Variants in PRKAG2 observed in about 807,000 individuals in gnomAD.
PRKAG2 encodes 5'-AMP-activated protein kinase subunit gamma-2.
A neutral mutation model predicts 69.6 loss-of-function variants in PRKAG2; 26 were observed. The observed-to-expected ratio is 0.37, with a 90% CI of 0.27 to 0.52. The LOEUF is 0.52. Ranked by LOEUF, PRKAG2 falls within the 20% of genes least tolerant of loss-of-function variation. The pLI is 0.90. For synonymous variants in PRKAG2, 293 were observed against 285.0 expected (o/e 1.03, Z -0.28); for missense variants, 557 against 740.0 (o/e 0.75, Z 2.87).
At chr7:151,745,174 G>T (rs2074195420) in intron 3 of PRKAG2, among the ~76,000 whole-genome samples, 1 of 152,158 alleles carries the variant, frequency 6.6e-6, no homozygotes, top group Admixed American at 6.5e-5. Context: ...AACCTTTGCG[G>T]ATCACGAGGC....
At chr7:151,759,664 T>C (rs1347666818) in intron 3 of PRKAG2, among the ~76,000 whole-genome samples, 1 of 152,138 alleles carries the variant, frequency 6.6e-6, no homozygotes, top group Non-Finnish European at 1.5e-5. Flanking sequence ...ACCTGCTGCT[T>C]TCCCCCAGGC....
chr7:151,691,945 G>C (rs1055369250), intron 3 of PRKAG2, among the ~76,000 whole-genome samples: 1 of 152,148 alleles, frequency 6.6e-6, no homozygotes, highest in South Asian at 2.1e-4. Context: ...ACAGCACTTT[G>C]GGAGGTTGAA....
intron 3 of PRKAG2, among the ~76,000 whole-genome samples, chr7:151,733,104 T>C (rs1297248884): frequency 2.0e-5 from 3 of 152,204 alleles, no homozygotes; most frequent in Non-Finnish European, 4.4e-5. Context: ...TTGGACTGTT[T>C]TTCCTCACTC....
intron 3 of PRKAG2, among the ~76,000 whole-genome samples, chr7:151,742,633 A>T (rs991112403): frequency 1.5e-4 from 22 of 150,266 alleles, no homozygotes; most frequent in Admixed American, 2.6e-4. Flanking sequence ...CACAAAAAAA[A>T]AAAAAATAAA....
At chr7:151,684,024 C>T (rs1254472710) in intron 3 of PRKAG2, among the ~76,000 whole-genome samples, 1 of 152,216 alleles carries the variant, frequency 6.6e-6, no homozygotes, top group African/African-American at 2.4e-5. Flanking sequence ...GTTTTACCTT[C>T]CACCCCTCAT....
rs1563772540 is a variant in PRKAG2 at position 151,874,177 on chromosome 7, TATGTATATGTATATGTATATG to T, written c.114+2309_114+2329del. ...ATATGATGTATATGTATATGATGTA[TATGTATATGTATATGTATATG>T]ATGTATATGTATATGTATATGATGT... On this transcript the variant is annotated intron_variant, in intron 1 of 15. Coordinates refer to ENST00000287878, the MANE Select transcript of PRKAG2 (RefSeq NM_016203.4). Among the ~76,000 whole-genome samples the T allele has an allele frequency of 1.5e-3, 138 of 91,228 alleles. 3 individuals carry two copies. Among genetic ancestry groups the T allele is most frequent in the African/African-American group, 5.2e-3 (110 of 21,000 alleles). The allele number at this position is 91,228 out of a possible 152,430, so 59.8% of individuals were successfully genotyped here.
intron 5 of PRKAG2, 139 bp from the exon 6 acceptor site, chr7:151,595,593 A>G: frequency 1.4e-6 from 1 of 697,270 alleles, no homozygotes; most frequent in Non-Finnish European, 2.6e-6. Flanking sequence ...GGGCCAGGCA[A>G]GGATGCTCAC....
intron 4 of PRKAG2, among the ~76,000 whole-genome samples, chr7:151,643,617 A>G (rs754441375): frequency 5.3e-5 from 8 of 152,242 alleles, no homozygotes; most frequent in Non-Finnish European, 1.2e-4. Context: ...TAATGCCTCC[A>G]CCACATCTTC....
At chr7:151,855,501 T>TCTA (rs2079741634) in intron 1 of PRKAG2, among the ~76,000 whole-genome samples, 2 of 83,510 alleles carry the variant, frequency 2.4e-5, no homozygotes, top group Admixed American at 1.4e-4. Flanking sequence ...CACACCACCC[T>TCTA]CCACACACAC....
In PRKAG2 at chr7:151,703,911, A is replaced by ACACACACAC. The variant is rs1563476709; in HGVS notation, c.467-28275_467-28274insGTGTGTGTG. Among the ~76,000 whole-genome samples, 39 of 103,712 alleles carry ACACACACAC rather than the reference A, an allele frequency of 3.8e-4. 1 individual carries two copies. The highest frequency in any genetic ancestry group is 2.1e-3 in the South Asian group (7 of 3,258). 68.0% of individuals were successfully genotyped at this position (103,712 alleles called of 152,430 possible). A position where few individuals can be genotyped will look rare whatever the true frequency, so the allele number is the denominator to read the frequency against. On this transcript the variant is annotated intron_variant, in intron 3 of 15. Transcript: ENST00000287878. ...ACACACACACACACACACACACACA[A>ACACACACAC]ATTAGCTAGGCATGGTGGCAGGTGC...
chr7:151,570,079 A>G (rs1807191555), intron 10 of PRKAG2, 92 bp downstream of exon 10: 1 of 1,446,912 alleles, frequency 6.9e-7, no homozygotes, highest in Non-Finnish European at 9.5e-7. Context: ...TTTGGAATGA[A>G]GAACATGTTT....
intron 1 of PRKAG2, among the ~76,000 whole-genome samples, chr7:151,794,537 C>T (rs1319180430): frequency 1.3e-5 from 2 of 152,252 alleles, no homozygotes; most frequent in Admixed American, 1.3e-4. Flanking sequence ...TGGCCGAGGG[C>T]ACACTGGGGC....
chr7:151,726,386 A>G (rs1797960402), intron 3 of PRKAG2, among the ~76,000 whole-genome samples: 1 of 87,074 alleles, frequency 1.1e-5, no homozygotes, highest in Non-Finnish European at 3.5e-5. Flanking sequence ...ACACACACAC[A>G]CACACACACA....
At chr7:151,647,014 G>A (rs1827677548) in intron 4 of PRKAG2, among the ~76,000 whole-genome samples, 1 of 152,150 alleles carries the variant, frequency 6.6e-6, no homozygotes, top group Non-Finnish European at 1.5e-5. Flanking sequence ...AAGCTCTCTC[G>A]AGCTACCCTG....
At chr7:151,620,767 A>G (rs1270929412) in intron 5 of PRKAG2, among the ~76,000 whole-genome samples, 3 of 151,838 alleles carry the variant, frequency 2.0e-5, no homozygotes, top group Non-Finnish European at 4.4e-5. Flanking sequence ...GGTGTTAGCC[A>G]CCACATCCAG....
intron 1 of PRKAG2, among the ~76,000 whole-genome samples, chr7:151,866,253 A>G (rs2080076019): frequency 6.6e-6 from 1 of 152,104 alleles, no homozygotes; most frequent in Admixed American, 6.5e-5. Context: ...TACCCCAGGG[A>G]GGCCTTGGCT....
At chr7:151,652,154 G>A (rs893279754) in intron 4 of PRKAG2, among the ~76,000 whole-genome samples, 1 of 152,058 alleles carries the variant, frequency 6.6e-6, no homozygotes, top group Admixed American at 6.6e-5. Flanking sequence ...AATTATATAC[G>A]ATTTTTATTT....
chr7:151,741,924 A>G (rs934024559), intron 3 of PRKAG2, among the ~76,000 whole-genome samples: 1 of 152,246 alleles, frequency 6.6e-6, no homozygotes, highest in Non-Finnish European at 1.5e-5. Flanking sequence ...TATTTGTAAC[A>G]TAATAACATT....
At chr7:151,792,452 G>T (rs1199881615) in intron 1 of PRKAG2, among the ~76,000 whole-genome samples, 1 of 152,168 alleles carries the variant, frequency 6.6e-6, no homozygotes, top group African/African-American at 2.4e-5. Flanking sequence ...TCTAATGTTT[G>T]CAATCAACTA....
Sources: gnomAD v4.1 joint callset for allele counts (sites outside exome capture counted in the v4.1 genomes callset) on GRCh38, gnomAD v4.1.1 for gene constraint, MANE v1.5 for transcripts, NCBI Gene and HGNC (gene_info 2026-07-23, HGNC 2026-07-21) for gene names.